The following LTBP1 variants were observed in gnomAD, a reference collection of about 807,000 sequenced individuals.
LTBP1 encodes the protein latent-transforming growth factor beta-binding protein 1.
Under a neutral mutation model 207.6 loss-of-function variants are expected in LTBP1, and 129 were observed. The ratio of observed to expected loss-of-function variants is 0.62; its 90% CI spans 0.54 to 0.72. The LOEUF is 0.72. Among genes scored for constraint, LTBP1 ranks in the 30% least tolerant of loss-of-function variants. LTBP1 has a pLI of 0.00. For synonymous variants in LTBP1, 963 were observed against 833.7 expected (o/e 1.16, Z -2.67); for missense variants, 2,281 against 2,217.2 (o/e 1.03, Z -0.58).
chr2:33,257,901 A>C (rs184619770), intron 12 of LTBP1, among the ~76,000 whole-genome samples: 6 of 152,362 alleles, frequency 3.9e-5, no homozygotes, highest in Non-Finnish European at 8.8e-5. Flanking sequence ...AAGTTAAAGC[A>C]TTAAGGTCTA....
intron 18 of LTBP1, among the ~76,000 whole-genome samples, chr2:33,278,079 G>A (rs1379783936): frequency 6.6e-6 from 1 of 151,624 alleles, no homozygotes; most frequent in African/African-American, 2.4e-5. Flanking sequence ...TGATCTGCCA[G>A]CCTCAGCCTC....
rs763749707 is a variant in LTBP1 at position 33,243,739 on chromosome 2, T to G, written c.1954T>G (p.Cys652Gly). 2 of 1,614,108 alleles carry G rather than the reference T, an allele frequency of 1.2e-6. No individual in the cohort carries two copies. Among genetic ancestry groups the G allele is most frequent in the East Asian group, 4.5e-5 (2 of 44,870 alleles). The change falls in exon 10 of 34, where the codon TGC becomes GGC. Residue 652 changes from cysteine to glycine, a missense_variant. Cys to Gly is a radical substitution (Grantham distance 159, BLOSUM62 -3). Coordinates refer to ENST00000404816, the MANE Select transcript of LTBP1 (RefSeq NM_206943.4). ...TACCATGGGCAGCTATCGATGTACC[T>G]GCAAAATAGGATTTGGGCCGGATCC... ...LNTMGSYRCT[C>G]KIGFGPDPTF...
At chr2:33,346,636 G>A (rs2094705036) in intron 25 of LTBP1, among the ~76,000 whole-genome samples, 1 of 151,516 alleles carries the variant, frequency 6.6e-6, no homozygotes. Context: ...AGTGAGCTGA[G>A]ATCACGGCAC....
At chr2:33,010,536 A>T (rs951993779) in intron 2 of LTBP1, among the ~76,000 whole-genome samples, 13 of 152,228 alleles carry the variant, frequency 8.5e-5, no homozygotes, top group African/African-American at 3.1e-4. Flanking sequence ...TGTTCCCAAC[A>T]CATAGAAATG....
intron 8 of LTBP1, among the ~76,000 whole-genome samples, chr2:33,218,998 C>G (rs1180317119): frequency 1.3e-5 from 2 of 152,106 alleles, no homozygotes; most frequent in Non-Finnish European, 2.9e-5. Flanking sequence ...ATATCTCTTT[C>G]TTACATTATT....
intron 4 of LTBP1, among the ~76,000 whole-genome samples, chr2:33,117,646 G>A (rs759902449): frequency 3.5e-4 from 53 of 152,222 alleles, no homozygotes; most frequent in Non-Finnish European, 5.6e-4. Flanking sequence ...AGGTGGGCAA[G>A]AACGTTGCTT....
intron 24 of LTBP1, among the ~76,000 whole-genome samples, chr2:33,330,800 C>T (rs1573873113): frequency 3.0e-5 from 4 of 133,448 alleles, no homozygotes; most frequent in Admixed American, 7.6e-5. Flanking sequence ...CTCAGGTTTT[C>T]TCTATCATGG....
At position 33,014,994 on chromosome 2, in the gene LTBP1, C is replaced by CT. The variant is rs970499735; in HGVS notation, c.566-5901dup. Among the ~76,000 whole-genome samples, 962 of 140,942 alleles carry CT rather than the reference C, an allele frequency of 6.8e-3. 8 individuals carry two copies. The highest frequency in any genetic ancestry group is 0.017 in the African/African-American group (655 of 38,554). The allele number at this position is 140,942 out of a possible 152,430, so 92.5% of individuals were successfully genotyped here. On this transcript the variant is annotated intron_variant, in intron 2 of 33. Transcript: ENST00000404816. ...GCTGTCTTGGTGGCAGTTTTGGCCACTTTTTTTTTTTTTTAAGAGATGGGG... is the reference window on the plus strand; with the variant it reads ...GCTGTCTTGGTGGCAGTTTTGGCCACTTTTTTTTTTTTTTTAAGAGATGGGG...
At chr2:33,104,668 C>G (rs1231601176) in intron 3 of LTBP1, among the ~76,000 whole-genome samples, 1 of 152,164 alleles carries the variant, frequency 6.6e-6, no homozygotes, top group Non-Finnish European at 1.5e-5. Context: ...TGAGTATCCT[C>G]CAAGACTGTG....
chr2:33,094,312 T>TA (rs1338103587), intron 3 of LTBP1, among the ~76,000 whole-genome samples: 10 of 152,190 alleles, frequency 6.6e-5, no homozygotes, highest in African/African-American at 2.4e-4. Context: ...GATACTTTTT[T>TA]AAAAAAATTT....
intron 2 of LTBP1, among the ~76,000 whole-genome samples, chr2:33,019,320 G>C (rs527399051): frequency 7.2e-6 from 1 of 138,348 alleles, no homozygotes; most frequent in African/African-American, 2.6e-5. Context: ...TCAGTAGCAT[G>C]TACACTTCTT....
At chr2:33,363,665 A>G (rs902268002) in intron 29 of LTBP1, 147 bp downstream of exon 29, 44 of 872,998 alleles carry the variant, frequency 5.0e-5, no homozygotes, top group Non-Finnish European at 6.9e-5. Flanking sequence ...TTTCTTAAGC[A>G]CAATTGAAGA....
Position 33,041,122 on chromosome 2 carries a change from A to C in LTBP1, c.863+19916A>C, listed in dbSNP as rs1280014192. On this transcript the variant is annotated intron_variant, in intron 3 of 33. Coordinates refer to ENST00000404816, the MANE Select transcript of LTBP1 (RefSeq NM_206943.4). Reference sequence around the variant, plus strand: ...TTGAACCCAAGCCTGTGTGACCTCAAAGAATGATTAAGAGGTCTCTACCAC... The same window carrying C: ...TTGAACCCAAGCCTGTGTGACCTCACAGAATGATTAAGAGGTCTCTACCAC... 3.3e-5 allele frequency among the ~76,000 whole-genome samples: 5 copies of C among 151,892 alleles called. No individual in the cohort carries two copies. The East Asian group carries it at 9.6e-4, about 29-fold the overall frequency.
At chr2:33,053,483 GGCAGCCCTC>G (rs758291225) in intron 3 of LTBP1, among the ~76,000 whole-genome samples, 6 of 151,966 alleles carry the variant, frequency 3.9e-5, no homozygotes, top group African/African-American at 7.2e-5. Flanking sequence ...ACAGCGTGCT[GGCAGCCCTC>G]GCAGCCCTCG....
chr2:33,144,546 G>A (rs77531289), intron 5 of LTBP1, among the ~76,000 whole-genome samples: 2,497 of 152,290 alleles, frequency 0.016, 26 homozygotes, highest in East Asian at 0.029. Context: ...ATCATCTTGA[G>A]TAGATGGGGG....
At chr2:33,111,499 G>C (rs1274210503) in intron 4 of LTBP1, among the ~76,000 whole-genome samples, 3 of 152,232 alleles carry the variant, frequency 2.0e-5, no homozygotes, top group Non-Finnish European at 2.9e-5. Flanking sequence ...TAATGAAAGA[G>C]AATGCCAGTT....
At chr2:33,280,263 G>A in intron 19 of LTBP1, 105 bp downstream of exon 19, 1 of 1,170,038 alleles carries the variant, frequency 8.5e-7, no homozygotes, top group Non-Finnish European at 1.1e-6. Context: ...ATGAAAAAAT[G>A]AAATCTTACA....
intron 31 of LTBP1, among the ~76,000 whole-genome samples, chr2:33,365,707 G>A (rs1051933537): frequency 2.6e-5 from 4 of 151,044 alleles, no homozygotes; most frequent in South Asian, 4.2e-4. Flanking sequence ...CGACCCTGTC[G>A]TTAATTTTTG....
At chr2:33,137,496 G>T (rs557853040) in intron 5 of LTBP1, among the ~76,000 whole-genome samples, 21 of 152,266 alleles carry the variant, frequency 1.4e-4, no homozygotes, top group Middle Eastern at 3.4e-3. Flanking sequence ...TGCCATCATC[G>T]TGTGAAAGCA....
Sources: gnomAD v4.1 joint callset for allele counts (sites outside exome capture counted in the v4.1 genomes callset) on GRCh38, gnomAD v4.1.1 for gene constraint, MANE v1.5 for transcripts, NCBI Gene and HGNC (gene_info 2026-07-23, HGNC 2026-07-21) for gene names.